Variants in MFSD12 observed in about 807,000 individuals in gnomAD.
MFSD12 encodes major facilitator superfamily domain-containing protein 12.
Under a neutral mutation model 51.2 loss-of-function variants are expected in MFSD12, and 67 were observed. The observed-to-expected ratio is 1.31, with a 90% CI of 1.08 to 1.60. MFSD12 has a LOEUF of 1.60. MFSD12 is among the 40% of genes most tolerant of loss of function. The probability of loss-of-function intolerance (pLI) is 0.00; values close to 1 mark genes in which losing one functional copy is unlikely to be tolerated. For missense variants in MFSD12, 921 were observed against 673.0 expected (o/e 1.37, Z -4.08); for synonymous variants, 441 against 316.7 (o/e 1.39, Z -4.17).
intron 1 of MFSD12, among the ~76,000 whole-genome samples, chr19:3,553,018 C>T (rs1186067737): frequency 6.6e-6 from 1 of 152,144 alleles, no homozygotes; most frequent in Non-Finnish European, 1.5e-5. Context: ...GTGACCTCAT[C>T]CCCAGACCCT....
chr19:3,547,521 C>A lies in MFSD12; in HGVS notation c.864G>T (p.Arg288Ser). 1 of 1,612,442 alleles carries A rather than the reference C, an allele frequency of 6.2e-7. No individual in the cohort carries two copies. Among genetic ancestry groups the A allele is most frequent in the Non-Finnish European group, 8.5e-7 (1 of 1,179,650 alleles). The change falls in exon 5 of 10, where the codon AGG (arginine) becomes AGT (serine). Residue 288 changes from arginine to serine, a missense_variant. Coordinates refer to ENST00000355415, the MANE Select transcript of MFSD12 (RefSeq NM_174983.5). ...YQVGILYMTT[R>S]LIVNLSQTYM... is the part of the protein sequence containing the mutation. ...AGGTCTGGGACAGGTTCACGATGAG[C>A]CTGGTGGTCATGTACAGTATGCCCA... is the stretch of plus-strand genomic sequence containing the variant.
At chr19:3,543,112 G>A (rs1007542521), downstream of MFSD12, 26 of 1,523,974 alleles carry the variant, frequency 1.7e-5, no homozygotes, top group South Asian at 1.2e-4. Context: ...TCCAAGTGGC[G>A]AGGGAGGGAG....
chr19:3,542,687 T>C (rs566030368), downstream of MFSD12: 6 of 1,222,796 alleles, frequency 4.9e-6, no homozygotes, highest in African/African-American at 1.6e-5. Context: ...TTTACCATGC[T>C]GGCCAGGCTG....
At position 3,544,655 on chromosome 19, in the gene MFSD12, G is replaced by C. The variant is rs577318786; in HGVS notation, c.*55C>G. Reference sequence around the variant, plus strand: ...GGGCTTTTCCCCAAGGCCCTGGGGGGCATCCTCGTGCGTCCCCACAGTTCC... The same window carrying C: ...GGGCTTTTCCCCAAGGCCCTGGGGGCCATCCTCGTGCGTCCCCACAGTTCC... On this transcript the variant is annotated 3_prime_UTR_variant, in exon 10 of 10. Coordinates refer to ENST00000355415, the MANE Select transcript of MFSD12 (RefSeq NM_174983.5). The C allele has an allele frequency of 3.9e-6, 6 of 1,547,600 alleles. No individual in the cohort carries two copies. Among genetic ancestry groups the C allele is most frequent in the African/African-American group, 2.7e-5 (2 of 73,850 alleles).
chr19:3,552,713 A>G (rs2145215846), intron 1 of MFSD12, among the ~76,000 whole-genome samples: 1 of 151,516 alleles, frequency 6.6e-6, no homozygotes, highest in South Asian at 2.1e-4. Flanking sequence ...TCGAACTCCT[A>G]GCCTCAAGTG....
chr19:3,538,373 C>G (rs541634422), exon 5 of MFSD12: 2 of 240,070 alleles, frequency 8.3e-6, no homozygotes, highest in Non-Finnish European at 1.7e-5. Flanking sequence ...TGCAGCCATC[C>G]CATCTGATTC....
chr19:3,543,794 G>A, downstream of MFSD12: 3 of 1,500,020 alleles, frequency 2.0e-6, no homozygotes, highest in African/African-American at 1.4e-5. Context: ...CGGCGAGGAG[G>A]TGGGGGCACA....
intron 4 of MFSD12, chr19:3,539,065 G>A (rs901013179): frequency 1.4e-4 from 96 of 684,012 alleles, no homozygotes; most frequent in Admixed American, 2.8e-4. Context: ...ACCTCACCCC[G>A]CAGCTGGGAG....
rs369187318 is a variant in MFSD12, at chr19:3,546,184, C to A, written c.1195-16G>T. The A allele has an allele frequency of 4.0e-5, 64 of 1,611,610 alleles. No homozygotes were observed. The highest frequency in any genetic ancestry group is 5.3e-5 in the Non-Finnish European group (62 of 1,179,050). ...CTCCGCTGTTCTGTGGAGACACAGGCGAGGTGGTCAGCGTGCACCCCGAGA... is the reference window on the plus strand; with the variant it reads ...CTCCGCTGTTCTGTGGAGACACAGGAGAGGTGGTCAGCGTGCACCCCGAGA... On this transcript the variant is annotated splice_polypyrimidine_tract_variant and intron_variant, in intron 7 of 9. Coordinates refer to ENST00000355415, the MANE Select transcript of MFSD12 (RefSeq NM_174983.5).
At chr19:3,545,042 G>T in intron 8 of MFSD12, 103 bp from the exon 9 acceptor site, 1 of 1,431,842 alleles carries the variant, frequency 7.0e-7, no homozygotes, top group Middle Eastern at 2.5e-4. Flanking sequence ...GCTCCGTCCT[G>T]TCCAATCCAG....
downstream of MFSD12, among the ~76,000 whole-genome samples, chr19:3,540,269 T>G (rs1165807005): frequency 6.6e-6 from 1 of 151,634 alleles, no homozygotes; most frequent in Non-Finnish European, 1.5e-5. Flanking sequence ...ATTTTTGTTT[T>G]TTTTTTTGGA....
At chr19:3,543,681 G>A (rs1349523011), downstream of MFSD12, 1 of 1,532,576 alleles carries the variant, frequency 6.5e-7, no homozygotes, top group Non-Finnish European at 8.8e-7. Flanking sequence ...AAGGAATACG[G>A]TGAGGCTAGG....
Position 3,555,948 on chromosome 19 carries a change from C to G in MFSD12, c.298+1158G>C, listed in dbSNP as rs372692254. On this transcript the variant is annotated intron_variant, in intron 1 of 9. Transcript: ENST00000355415. ...GCAGCCCTGCAGTCTTATCGATGGGCACTGGGGCAGGGTGACCCAGCCCAT... is the reference window on the plus strand; with the variant it reads ...GCAGCCCTGCAGTCTTATCGATGGGGACTGGGGCAGGGTGACCCAGCCCAT... Among the ~76,000 whole-genome samples, 312 of 152,334 alleles carry G rather than the reference C, an allele frequency of 2.0e-3. 2 individuals are homozygous for G. The highest frequency in any genetic ancestry group is 7.0e-3 in the African/African-American group (292 of 41,578).
In MFSD12 at chr19:3,544,250, A is replaced by G; in HGVS notation, c.*460T>C. ...GCAGAGTCCACCAAGCCTGCCGGGC[A>G]GCCCTGCTGCCCACCACGGTGGGGT... On this transcript the variant is annotated 3_prime_UTR_variant, in exon 10 of 10. Transcript: ENST00000355415. 7.6e-7 allele frequency: 1 copy of G among 1,311,026 alleles called. No homozygotes were observed. The highest frequency in any genetic ancestry group is 9.7e-7 in the Non-Finnish European group (1 of 1,031,716). 81.2% of individuals were successfully genotyped at this position (1,311,026 alleles called of 1,614,324 possible).
At chr19:3,549,238 TAGAA>T (rs780918795) in intron 2 of MFSD12, among the ~76,000 whole-genome samples, 6 of 152,256 alleles carry the variant, frequency 3.9e-5, no homozygotes, top group Non-Finnish European at 7.4e-5. Context: ...CCAGGTGTAA[TAGAA>T]AGAATTCTAA....
chr19:3,546,211 C>G (rs1467281408), intron 7 of MFSD12, 43 bp from the exon 8 acceptor site: 2 of 1,608,086 alleles, frequency 1.2e-6, no homozygotes, highest in Non-Finnish European at 1.7e-6. Flanking sequence ...ACCCCGAGAT[C>G]TAGGACCCGG....
chr19:3,544,824 T>G lies in MFSD12; in HGVS notation c.1405A>C (p.Thr469Pro), dbSNP rs868784086. The change falls in exon 9 of 10, where the codon ACC becomes CCC. Residue 469 changes from threonine (T) to proline (P), a missense_variant. By Grantham distance (38) the Thr-to-Pro change is conservative. Transcript: ENST00000355415. ...LCLCSLLLWP[T>P]RLRRWDRDAR... Reference sequence around the variant, plus strand: ...CAGGACTCACAGCGTCGCAGGCGGGTCGGCCACAGCAGGAGGCTACAGAGA... The same window carrying G: ...CAGGACTCACAGCGTCGCAGGCGGGGCGGCCACAGCAGGAGGCTACAGAGA... 11 of 1,611,474 alleles carry G rather than the reference T, an allele frequency of 6.8e-6. No individual in the cohort carries two copies. Among genetic ancestry groups the G allele is most frequent in the Middle Eastern group, 1.7e-4 (1 of 6,018 alleles).
intron 8 of MFSD12, among the ~76,000 whole-genome samples, chr19:3,545,849 T>A (rs2030970556): frequency 1.3e-5 from 2 of 152,192 alleles, no homozygotes; most frequent in South Asian, 4.1e-4. Flanking sequence ...TATATTTCTG[T>A]ACGGTGTCTT....
rs904872214 is a variant in MFSD12, at chr19:3,557,578, C to G, written c.-175G>C. ...ACGTCCGCCGCGTCCGCCCCACGCT[C>G]GACTCTGCAGCCGCCGGGCCCCAGA... On this transcript the variant is annotated 5_prime_UTR_variant, in exon 1 of 10. Transcript: ENST00000355415. The G allele has an allele frequency of 1.9e-5, 5 of 264,634 alleles. No individual in the cohort carries two copies. The highest frequency in any genetic ancestry group is 3.3e-5 in the Non-Finnish European group (5 of 153,546). 16.4% of individuals were successfully genotyped at this position (264,634 alleles called of 1,614,324 possible).
Sources: allele counts gnomAD v4.1 joint callset (sites outside exome capture counted in the v4.1 genomes callset), GRCh38; gene constraint gnomAD v4.1.1; transcripts MANE v1.5; gene names NCBI Gene and HGNC (gene_info 2026-07-23, HGNC 2026-07-21).